The following EMC3 variants were observed in gnomAD, a reference collection of about 807,000 sequenced individuals.
EMC3 encodes ER membrane protein complex subunit 3.
A neutral mutation model predicts 36.6 loss-of-function variants in EMC3; 13 were observed. That is an observed-to-expected ratio of 0.35 (90% CI 0.23 to 0.56). The LOEUF is 0.56. Ranked by LOEUF, EMC3 falls within the 20% of genes least tolerant of loss-of-function variation. The probability of loss-of-function intolerance (pLI) is 0.84; values close to 1 mark genes in which losing one functional copy is unlikely to be tolerated. For missense variants in EMC3, 220 were observed against 324.5 expected, an observed-to-expected ratio of 0.68 and a Z score of 2.47; for synonymous variants, 120 against 111.9, an observed-to-expected ratio of 1.07 and a Z score of -0.46.
chr3:9,973,269 A>G (rs1428601165), intron 5 of EMC3, among the ~76,000 whole-genome samples: 2 of 150,158 alleles, frequency 1.3e-5, no homozygotes, highest in Admixed American at 1.3e-4. Context: ...ATCTCAGCTC[A>G]CTGCAAGCTC....
chr3:9,989,876 AT>A (rs1437463770), upstream of EMC3, among the ~76,000 whole-genome samples: 2 of 151,060 alleles, frequency 1.3e-5, no homozygotes, highest in Non-Finnish European at 2.9e-5. Context: ...ATGACTCTAA[AT>A]TTTGGTGTCC....
chr3:9,987,736 A>G (rs1454816121), upstream of EMC3: 7 of 425,140 alleles, frequency 1.6e-5, no homozygotes, highest in East Asian at 3.0e-4. Context: ...TGGATATGAC[A>G]TTCTACGACA....
intron 1 of EMC3, among the ~76,000 whole-genome samples, chr3:9,983,655 G>A (rs981521785): frequency 6.6e-6 from 1 of 151,004 alleles, no homozygotes; most frequent in Non-Finnish European, 1.5e-5. Context: ...CTGGGCAAGA[G>A]TGAGACTCTG....
chr3:9,991,828 C>T (rs867522236), upstream of EMC3, among the ~76,000 whole-genome samples: 4 of 152,190 alleles, frequency 2.6e-5, no homozygotes, highest in East Asian at 1.9e-4. Context: ...CAGACCGTTT[C>T]GGGGCATGAT....
intron 1 of EMC3, among the ~76,000 whole-genome samples, chr3:9,984,631 T>G (rs2085950285): frequency 6.6e-6 from 1 of 152,096 alleles, no homozygotes; most frequent in South Asian, 2.1e-4. Context: ...GACCTCGTGA[T>G]CCGTCCGCCT....
chr3:9,978,749 G>C (rs1056569518), intron 1 of EMC3, among the ~76,000 whole-genome samples: 1 of 152,054 alleles, frequency 6.6e-6, no homozygotes, highest in Non-Finnish European at 1.5e-5. Flanking sequence ...AGAATCACTT[G>C]AACCAGGAAG....
At chr3:9,993,671 A>T (rs2086083385) in intron 1 of EMC3, among the ~76,000 whole-genome samples, 1 of 152,226 alleles carries the variant, frequency 6.6e-6, no homozygotes, top group Non-Finnish European at 1.5e-5. Context: ...TAAATGTAAG[A>T]TTTTTTAAAA....
At chr3:9,973,071 C>T (rs6768233) in intron 5 of EMC3, among the ~76,000 whole-genome samples, 12 of 151,112 alleles carry the variant, frequency 7.9e-5, no homozygotes, top group East Asian at 6.0e-4. Context: ...GTGATCCGCC[C>T]GCCTCGGCCT....
At chr3:9,990,325 CTTTTTT>C (rs4020037), upstream of EMC3, among the ~76,000 whole-genome samples, 40 of 88,690 alleles carry the variant, frequency 4.5e-4, no homozygotes, top group African/African-American at 1.7e-3. Flanking sequence ...GGGCCTTTCT[CTTTTTT>C]TTTTTTTTTT....
At chr3:10,002,330 A>C (rs56224841) in intron 1 of EMC3, among the ~76,000 whole-genome samples, 33,476 of 150,650 alleles carry the variant, frequency 0.22, 4,345 homozygotes, top group African/African-American at 0.35. Context: ...GCTCTCTAAC[A>C]CAGGCTAGAG....
chr3:9,986,998 G>T, upstream of EMC3: 2 of 1,080,322 alleles, frequency 1.9e-6, no homozygotes, highest in South Asian at 5.5e-5. Context: ...GGGGGATCAC[G>T]AGGTCAGGGG....
chr3:9,974,054 TACAA>T (rs2085818238), intron 4 of EMC3, among the ~76,000 whole-genome samples: 1 of 152,182 alleles, frequency 6.6e-6, no homozygotes, highest in Non-Finnish European at 1.5e-5. Context: ...CGAATCAACT[TACAA>T]ACAAACAGAA....
upstream of EMC3, among the ~76,000 whole-genome samples, chr3:9,989,194 C>CT (rs1343150733): frequency 6.6e-6 from 1 of 152,214 alleles, no homozygotes; most frequent in Non-Finnish European, 1.5e-5. Flanking sequence ...AGTCTGTCCA[C>CT]TGTCAAAGCA....
At chr3:10,008,560 A>G in intron 1 of EMC3, 1 of 1,038,776 alleles carries the variant, frequency 9.6e-7, no homozygotes. Context: ...CAGCCCAGAG[A>G]GCAGGGTCAG....
intron 1 of EMC3, chr3:10,003,958 C>T (rs1228196862): frequency 6.6e-6 from 1 of 152,458 alleles, no homozygotes; most frequent in Non-Finnish European, 1.5e-5. Context: ...GGCTTTGGTA[C>T]CACATTCCAT....
intron 1 of EMC3, among the ~76,000 whole-genome samples, chr3:9,979,372 C>T (rs1366100899): frequency 6.6e-6 from 1 of 152,196 alleles, no homozygotes; most frequent in Non-Finnish European, 1.5e-5. Context: ...AAAACTGGTC[C>T]TTCACCATTG....
chr3:9,986,969 A>G, upstream of EMC3: 7 of 1,127,886 alleles, frequency 6.2e-6, no homozygotes, highest in Non-Finnish European at 7.7e-6. Flanking sequence ...GAATCCCAGC[A>G]CTTTGGGAGG....
intron 1 of EMC3, among the ~76,000 whole-genome samples, chr3:10,009,422 A>G (rs1478236089): frequency 1.3e-5 from 2 of 152,174 alleles, no homozygotes; most frequent in East Asian, 3.9e-4. Context: ...GCGGGAGGAA[A>G]AGCAAACCCC....
intron 1 of EMC3, chr3:10,007,337 G>C (rs781502201): frequency 1.5e-6 from 2 of 1,333,388 alleles, no homozygotes; most frequent in Non-Finnish European, 2.0e-6. Flanking sequence ...CCGTCTGCCT[G>C]TGTCAATCAT....
Sources: allele counts gnomAD v4.1 joint callset (sites outside exome capture counted in the v4.1 genomes callset), GRCh38; gene constraint gnomAD v4.1.1; transcripts MANE v1.5; gene names NCBI Gene and HGNC (gene_info 2026-07-23, HGNC 2026-07-21).